PPP1CA: variants seen among roughly 807,000 people sequenced by gnomAD.
PPP1CA encodes the protein serine/threonine-protein phosphatase PP1-alpha catalytic subunit.
PPP1CA carries 14 observed loss-of-function variants against 38.5 expected under a neutral mutation model. The ratio of observed to expected loss-of-function variants is 0.36; its 90% CI spans 0.24 to 0.57. PPP1CA has a LOEUF of 0.57. PPP1CA is among the 20% of genes least tolerant of loss of function. The probability of loss-of-function intolerance (pLI) is 0.80; values close to 1 mark genes in which losing one functional copy is unlikely to be tolerated. For synonymous variants in PPP1CA, 200 were observed against 177.3 expected, an observed-to-expected ratio of 1.13 and a Z score of -1.02; for missense variants, 277 against 435.2, an observed-to-expected ratio of 0.64 and a Z score of 3.23.
At chr11:67,401,589 G>C in intron 1 of PPP1CA, 139 bp downstream of exon 1, 15 of 746,132 alleles carry the variant, frequency 2.0e-5, no homozygotes, top group Non-Finnish European at 2.8e-5. Flanking sequence ...CGTCCGCGGG[G>C]GGGCAGCTGC....
In PPP1CA at chr11:67,398,205, T is replaced by C; in HGVS notation, c.*330A>G. 8.2e-6 allele frequency: 3 copies of C among 365,910 alleles called. No homozygotes were observed. The highest frequency in any genetic ancestry group is 3.3e-5 in the South Asian group (1 of 30,592). The allele number at this position is 365,910 out of a possible 1,614,324, so 22.7% of individuals were successfully genotyped here. A position where few individuals can be genotyped will look rare whatever the true frequency, so the allele number is the denominator to read the frequency against. ...GGCGAGAATCCAGCTTTGACCTTTA[T>C]TCAAGAGACCAGATGGGTTGCCCCA... On this transcript the variant is annotated 3_prime_UTR_variant, in exon 7 of 7. Transcript: ENST00000376745.
rs202232732 is a variant in PPP1CA, at chr11:67,400,819, C to T, written c.288G>A (p.Arg96=). 1.2e-6 allele frequency: 2 copies of T among 1,614,104 alleles called. No homozygotes were observed. The highest frequency in any genetic ancestry group is 2.2e-5 in the East Asian group (1 of 44,886). The change falls in exon 3 of 7, where the codon AGG becomes AGA. Residue 96 remains arginine, a synonymous_variant. Coordinates refer to ENST00000376745, the MANE Select transcript of PPP1CA (RefSeq NM_002708.4). ...AGATGGTCTCCAAGGACTGCTTGCC[C>T]CTGTCCACATAGTCCCCCAGAAAGA... ...NYLFLGDYVD[R]GKQSLETICL... is the part of the protein sequence containing the mutation.
Position 67,400,111 on chromosome 11 carries a change from T to A in PPP1CA, c.419-446A>T, listed in dbSNP as rs776694460. ...GAGATCACACCATTGCACTCTAGCCTGGGCAACAAGAGTGAAACTCCGTCT... is the reference window on the plus strand; with the variant it reads ...GAGATCACACCATTGCACTCTAGCCAGGGCAACAAGAGTGAAACTCCGTCT... On this transcript the variant is annotated intron_variant, in intron 3 of 6. Coordinates refer to ENST00000376745, the MANE Select transcript of PPP1CA (RefSeq NM_002708.4). 4.3e-4 allele frequency among the ~76,000 whole-genome samples: 65 copies of A among 152,358 alleles called. 1 individual carries two copies. The highest frequency in any genetic ancestry group is 1.0e-3 in the South Asian group (5 of 4,832).
At position 67,399,657 on chromosome 11, in the gene PPP1CA, G is replaced by A. The variant is rs1200226054; in HGVS notation, c.427C>T (p.Arg143Cys). ...GTTTTCCACAGTTTGATGTTGTAGC[G>A]TCTCTTGCCTGCCCAGGGGGAGGTG... ...IYGFYDECKR[R>C]YNIKLWKTFT... The change falls in exon 4 of 7, where the codon CGC (arginine) becomes TGC (cysteine). Residue 143 changes from arginine (R) to cysteine (C), a missense_variant. Transcript: ENST00000376745. 6 of 1,613,390 alleles carry A rather than the reference G, an allele frequency of 3.7e-6. No homozygotes were observed. Among genetic ancestry groups the A allele is most frequent in the Non-Finnish European group, 5.1e-6 (6 of 1,179,614 alleles).
At chr11:67,400,189 G>A (rs1862852475) in intron 3 of PPP1CA, among the ~76,000 whole-genome samples, 1 of 152,200 alleles carries the variant, frequency 6.6e-6, no homozygotes, top group South Asian at 2.1e-4. Context: ...GGAGTGCAGT[G>A]GCAAGATCAT....
Position 67,398,341 on chromosome 11 carries a change from G to A in PPP1CA, c.*194C>T. 6.4e-6 allele frequency: 4 copies of A among 624,750 alleles called. No homozygotes were observed. Among genetic ancestry groups the A allele is most frequent in the South Asian group, 6.1e-5 (3 of 49,364 alleles). The allele number at this position is 624,750 out of a possible 1,614,324, so 38.7% of individuals were successfully genotyped here. On this transcript the variant is annotated 3_prime_UTR_variant, in exon 7 of 7. Coordinates refer to ENST00000376745, the MANE Select transcript of PPP1CA (RefSeq NM_002708.4). ...AGGATCCTGCTCACAGTCACCGCAG[G>A]TGCAGGCAGGAAGCAGCCCTGGGGG...
rs777136881 is a variant in PPP1CA at position 67,398,683 on chromosome 11, G to C, written c.883-38C>G. ...GTGTTGGTCAGGCTCATGGGGCTGA[G>C]CCACAGGGCCTAGCGGCTCCTTTCT... On this transcript the variant is annotated intron_variant, in intron 6 of 6. Transcript: ENST00000376745. The C allele has an allele frequency of 5.7e-5, 92 of 1,613,174 alleles. 1 individual carries two copies. The Admixed American group carries it at 1.5e-3, about 25-fold the overall frequency.
intron 6 of PPP1CA, 30 bp from the exon 7 acceptor site, chr11:67,398,675 G>A (rs370604680): frequency 3.1e-6 from 5 of 1,613,584 alleles, no homozygotes; most frequent in Admixed American, 3.3e-5. Flanking sequence ...TCAGGCTCAT[G>A]GGGCTGAGCC....
rs1862788832 is a variant in PPP1CA, at chr11:67,398,438, G to A, written c.*97C>T. ...CCAAGGCTCCATGTTCCCCGTGACAGGTGGGCCTGAGGGGTCGGGGTGACC... is the reference window on the plus strand; with the variant it reads ...CCAAGGCTCCATGTTCCCCGTGACAAGTGGGCCTGAGGGGTCGGGGTGACC... On this transcript the variant is annotated 3_prime_UTR_variant, in exon 7 of 7. Coordinates refer to ENST00000376745, the MANE Select transcript of PPP1CA (RefSeq NM_002708.4). The A allele has an allele frequency of 8.3e-7, 1 of 1,198,704 alleles. No individual in the cohort carries two copies. The highest frequency in any genetic ancestry group is 1.2e-6 in the Non-Finnish European group (1 of 840,396). The allele number at this position is 1,198,704 out of a possible 1,614,324, so 74.3% of individuals were successfully genotyped here. A position where few individuals can be genotyped will look rare whatever the true frequency, so the allele number is the denominator to read the frequency against.
Position 67,399,161 on chromosome 11 carries a change from G to A in PPP1CA, c.526C>T (p.Leu176=). The A allele has an allele frequency of 1.2e-6, 2 of 1,611,228 alleles. No individual in the cohort carries two copies. The highest frequency in any genetic ancestry group is 1.1e-5 in the South Asian group (1 of 91,060). ...DEKIFCCHGG[L]SPDLQSMEQI... is the part of the protein sequence containing the mutation. ...TCCATAGACTGCAGGTCCGGGGACA[G>A]GCCTGGGGGGCCGGGGGAAGGTCAC... The change falls in exon 5 of 7, where the codon CTG becomes TTG. Residue 176 remains leucine, a splice_region_variant and synonymous_variant. Transcript: ENST00000376745.
Position 67,401,832 on chromosome 11 carries a change from C to G in PPP1CA, c.-50G>C. On this transcript the variant is annotated 5_prime_UTR_variant, in exon 1 of 7. Coordinates refer to ENST00000376745, the MANE Select transcript of PPP1CA (RefSeq NM_002708.4). ...CAGCTCCTGGCCCGCTCCTGCCTCC[C>G]GCCCTCCGGCAGCCTCCTTCCGGCC... is the stretch of plus-strand genomic sequence containing the variant. 7.4e-7 allele frequency: 1 copy of G among 1,346,572 alleles called. No homozygotes were observed. Among genetic ancestry groups the G allele is most frequent in the African/African-American group, 1.5e-5 (1 of 66,234 alleles). The allele number at this position is 1,346,572 out of a possible 1,614,324, so 83.4% of individuals were successfully genotyped here. A position where few individuals can be genotyped will look rare whatever the true frequency, so the allele number is the denominator to read the frequency against.
At chr11:67,401,317 A>G in intron 1 of PPP1CA, 118 bp from the exon 2 acceptor site, 1 of 1,525,672 alleles carries the variant, frequency 6.6e-7, no homozygotes. Flanking sequence ...CCTTGCCCAC[A>G]GGCAGCTGTT....
Position 67,400,572 on chromosome 11 carries a change from C to G in PPP1CA, c.418+117G>C, listed in dbSNP as rs372389853. On this transcript the variant is annotated intron_variant, in intron 3 of 6. Transcript: ENST00000376745. ...CGAGAACGGACCTGGGCCCCGCCTT[C>G]GTGGAGCGCACAGTCTATCAAGTGT... 3.1e-4 allele frequency: 327 copies of G among 1,043,802 alleles called. 1 individual carries two copies. The South Asian group carries it at 4.6e-3, about 15-fold the overall frequency. The allele number at this position is 1,043,802 out of a possible 1,614,324, so 64.7% of individuals were successfully genotyped here.
Position 67,398,581 on chromosome 11 carries a change from C to T in PPP1CA, c.947G>A (p.Gly316Asp), listed in dbSNP as rs747823510. 1.9e-6 allele frequency: 3 copies of T among 1,613,986 alleles called. No homozygotes were observed. The highest frequency in any genetic ancestry group is 3.3e-5 in the Admixed American group (2 of 59,982). ...YGQFSGLNPG[G>D]RPITPPRNSA... is the part of the protein sequence containing the mutation. ...ATTGCGGGGTGGGGTGATGGGTCGGCCTCCAGGGTTCAGGCCACTGAACTG... is the reference window on the plus strand; with the variant it reads ...ATTGCGGGGTGGGGTGATGGGTCGGTCTCCAGGGTTCAGGCCACTGAACTG... Residue 316 changes from glycine to aspartate, a missense_variant, in exon 7 of 7, where the codon GGC (glycine) becomes GAC (aspartate). Gly to Asp is a moderately conservative substitution (Grantham distance 94, BLOSUM62 -1). Around this residue, in one of 3 missense-constraint regions of PPP1CA, gnomAD observed 53 missense variants for 51.1 expected, o/e 1.04. Transcript: ENST00000376745.
Position 67,398,773 on chromosome 11 carries a change from G to A in PPP1CA, c.831C>T (p.Asp277=), listed in dbSNP as rs138571985. ...CCACACTCATCATGGCGCCAGCATTGTCAAACTCGCCACAGTAGTTGGGAG... is the reference window on the plus strand; with the variant it reads ...CCACACTCATCATGGCGCCAGCATTATCAAACTCGCCACAGTAGTTGGGAG... ...FSAPNYCGEF[D]NAGAMMSVDE... The change falls in exon 6 of 7, where the codon GAC becomes GAT. Residue 277 remains aspartate (D), a synonymous_variant. Coordinates refer to ENST00000376745, the MANE Select transcript of PPP1CA (RefSeq NM_002708.4). The A allele has an allele frequency of 5.8e-5, 94 of 1,613,800 alleles. No homozygotes were observed. The highest frequency in any genetic ancestry group is 1.6e-4 in the Middle Eastern group (1 of 6,084).
intron 4 of PPP1CA, 88 bp downstream of exon 4, chr11:67,399,473 G>A: frequency 8.3e-7 from 1 of 1,206,020 alleles, no homozygotes; most frequent in Non-Finnish European, 1.2e-6. Flanking sequence ...CCTGGAAGGA[G>A]TGACTTCCCA....
At chr11:67,399,713 G>T in intron 3 of PPP1CA, 48 bp from the exon 4 acceptor site, 3 of 1,490,710 alleles carry the variant, frequency 2.0e-6, no homozygotes, top group Admixed American at 1.8e-5. Context: ...CCCACCCTCA[G>T]CCAGGGTCCC....
chr11:67,401,326 T>C (rs1379840137), intron 1 of PPP1CA, 127 bp from the exon 2 acceptor site: 4 of 1,495,680 alleles, frequency 2.7e-6, no homozygotes, highest in Middle Eastern at 2.2e-4. Flanking sequence ...CAGGCAGCTG[T>C]TGCTGCTGAG....
chr11:67,400,377 T>C (rs369407233), intron 3 of PPP1CA, among the ~76,000 whole-genome samples: 1 of 152,230 alleles, frequency 6.6e-6, no homozygotes, highest in Non-Finnish European at 1.5e-5. Context: ...AGGTCTGGTT[T>C]ATCTCAGCTT....
Sources: gnomAD v4.1 joint callset for allele counts (sites outside exome capture counted in the v4.1 genomes callset) on GRCh38, gnomAD v4.1.1 for gene constraint, gnomAD v4.1.1 regional missense constraint, MANE v1.5 for transcripts, NCBI Gene and HGNC (gene_info 2026-07-23, HGNC 2026-07-21) for gene names.